Variants in CEP290 observed in about 807,000 individuals in gnomAD.
The protein encoded by CEP290 is centrosomal protein of 290 kDa.
A neutral mutation model predicts 344.9 loss-of-function variants in CEP290; 317 were observed. That is an observed-to-expected ratio of 0.92 (90% confidence interval 0.84 to 1.01). CEP290 has a LOEUF of 1.01. Among genes scored for constraint, CEP290 ranks in the 50% least tolerant of loss-of-function variants. The probability of loss-of-function intolerance (pLI) is 0.00; values close to 1 mark genes in which losing one functional copy is unlikely to be tolerated. For missense variants in CEP290, 2,754 were observed against 2,761.4 expected (o/e 1.00, Z 0.06); for synonymous variants, 932 against 895.8 (o/e 1.04, Z -0.72).
rs902444632 is a variant in CEP290 at position 88,129,752 on chromosome 12, T to G, written c.794A>C (p.His265Pro). 1 of 1,489,380 alleles carries G rather than the reference T, an allele frequency of 6.7e-7. No homozygotes were observed. The highest frequency in any genetic ancestry group is 1.4e-5 in the African/African-American group (1 of 69,796). The allele number at this position is 1,489,380 out of a possible 1,614,324, so 92.3% of individuals were successfully genotyped here. A position where few individuals can be genotyped will look rare whatever the true frequency, so the allele number is the denominator to read the frequency against. The stretch of plus-strand genomic sequence containing the variant: ...CTGATCTATTACATTATCTGTCTGA[T>G]GCACAATAGCTTTCATTCTATTATA... ...DEYNRMKAIVHQTDNVIDQLK... is the reference protein window; with the variant it reads ...DEYNRMKAIVPQTDNVIDQLK... Residue 265 changes from histidine (H) to proline (P), a missense_variant, in exon 10 of 54, where the codon CAT becomes CCT. Coordinates refer to ENST00000552810, the MANE Select transcript of CEP290 (RefSeq NM_025114.4).
intron 6 of CEP290, among the ~76,000 whole-genome samples, chr12:88,134,918 T>A (rs1029337205): frequency 3.3e-5 from 5 of 152,138 alleles, no homozygotes; most frequent in African/African-American, 1.2e-4. Context: ...ACCATATATA[T>A]CCTCATTCCT....
rs1481682848 is a variant in CEP290 at position 88,084,744 on chromosome 12, C to T, written c.4546G>A (p.Glu1516Lys). The T allele has an allele frequency of 5.6e-6, 9 of 1,613,562 alleles. No homozygotes were observed. Among genetic ancestry groups the T allele is most frequent in the Non-Finnish European group, 7.6e-6 (9 of 1,179,744 alleles). ...RLRLPATAER[E>K]KLIAELGRKE... ...CTGCCTAGCTCAGCTATGAGCTTTT[C>T]TCTTTCTGCAGTGGCAGGCAATCGA... The change falls in exon 35 of 54, where the codon GAA becomes AAA. Residue 1516 changes from glutamate (E) to lysine (K), a missense_variant. Coordinates refer to ENST00000552810, the MANE Select transcript of CEP290 (RefSeq NM_025114.4).
At chr12:88,085,965 A>C in intron 34 of CEP290, 74 bp downstream of exon 34, 2 of 1,375,636 alleles carry the variant, frequency 1.5e-6, no homozygotes, top group Non-Finnish European at 2.0e-6. Context: ...TGCCCTCATA[A>C]AGAAATATTA....
chr12:88,051,279 A>G (rs1480199897), intron 52 of CEP290, among the ~76,000 whole-genome samples: 1 of 149,238 alleles, frequency 6.7e-6, no homozygotes, highest in East Asian at 2.0e-4. Context: ...CACTGCAACA[A>G]CCACTGCCTC....
chr12:88,118,375 G>A (rs1479994199), intron 17 of CEP290, 108 bp downstream of exon 17: 9 of 813,592 alleles, frequency 1.1e-5, no homozygotes, highest in African/African-American at 1.7e-5. Flanking sequence ...TAAATTTGTA[G>A]CAGATCCACA....
At chr12:88,135,267 T>C (rs1251800555) in intron 6 of CEP290, among the ~76,000 whole-genome samples, 1 of 152,142 alleles carries the variant, frequency 6.6e-6, no homozygotes, top group African/African-American at 2.4e-5. Flanking sequence ...ACACAGGCCA[T>C]ATATTCAAGT....
At chr12:88,118,110 G>A (rs2039166757) in intron 17 of CEP290, among the ~76,000 whole-genome samples, 1 of 151,536 alleles carries the variant, frequency 6.6e-6, no homozygotes, top group Non-Finnish European at 1.5e-5. Context: ...TTAAGGAAAG[G>A]GAAAATGTTG....
chr12:88,077,948 A>G (rs2035905821), intron 39 of CEP290, 30 bp from the exon 40 acceptor site: 1 of 944,728 alleles, frequency 1.1e-6, no homozygotes, highest in Non-Finnish European at 1.6e-6. Context: ...GGTATTATTC[A>G]TGACTCTTCA....
At chr12:88,139,665 A>C (rs1430602121) in intron 3 of CEP290, 101 bp from the exon 4 acceptor site, 35 of 814,844 alleles carry the variant, frequency 4.3e-5, no homozygotes, top group Non-Finnish European at 5.9e-5. Context: ...TAGTGCCAGC[A>C]ATGGCTGGCA....
At position 88,058,835 on chromosome 12, in the gene CEP290, ACT is replaced by A. The variant is rs761362623; in HGVS notation, c.6818+11_6818+12del. ...TGATTAAACTTTGTACAAGTTTAAAACTCTGTTCCTACCTTGTAACCACAATG... is the reference window on the plus strand; with the variant it reads ...TGATTAAACTTTGTACAAGTTTAAAACTGTTCCTACCTTGTAACCACAATG... On this transcript the variant is annotated intron_variant, in intron 49 of 53. Coordinates refer to ENST00000552810, the MANE Select transcript of CEP290 (RefSeq NM_025114.4). The A allele has an allele frequency of 6.2e-7, 1 of 1,612,130 alleles. No homozygotes were observed. Among genetic ancestry groups the A allele is most frequent in the South Asian group, 1.1e-5 (1 of 90,570 alleles).
At chr12:88,091,396 A>T (rs2037027776) in intron 29 of CEP290, among the ~76,000 whole-genome samples, 1 of 53,386 alleles carries the variant, frequency 1.9e-5, no homozygotes, top group Admixed American at 2.8e-4. Flanking sequence ...GCATTTAATA[A>T]AATTACAAAA....
Position 88,083,199 on chromosome 12 carries a change from G to C in CEP290, c.4844C>G (p.Pro1615Arg). The C allele has an allele frequency of 1.3e-6, 2 of 1,510,988 alleles. No individual in the cohort carries two copies. The highest frequency in any genetic ancestry group is 1.8e-6 in the Non-Finnish European group (2 of 1,133,974). The allele number at this position is 1,510,988 out of a possible 1,614,324, so 93.6% of individuals were successfully genotyped here. The change falls in exon 37 of 54, where the codon CCT (proline) becomes CGT (arginine). Residue 1615 changes from proline to arginine, a missense_variant. Physicochemically the swap from Pro to Arg is moderately radical, Grantham distance 103 (BLOSUM62 -2). Coordinates refer to ENST00000552810, the MANE Select transcript of CEP290 (RefSeq NM_025114.4). ...CAGACGAATAAAATGCTTGTTGGTA[G>C]GAACTGGAGTGGGAGACTGTTTCAT... ...DLMKQSPTPV[P>R]TNKHFIRLAE...
At chr12:88,065,566 T>C (rs746868577) in intron 44 of CEP290, among the ~76,000 whole-genome samples, 36 of 152,210 alleles carry the variant, frequency 2.4e-4, no homozygotes, top group Non-Finnish European at 4.4e-4. Context: ...ATTTCAGATA[T>C]GGACATCTGT....
At chr12:88,110,560 CA>C (rs1565882991) in intron 22 of CEP290, among the ~76,000 whole-genome samples, 1 of 151,782 alleles carries the variant, frequency 6.6e-6, no homozygotes, top group African/African-American at 2.4e-5. Flanking sequence ...AAAAAAAATA[CA>C]AAAATTAGCC....
chr12:88,096,180 A>G (rs368712805), intron 27 of CEP290, among the ~76,000 whole-genome samples: 3 of 151,780 alleles, frequency 2.0e-5, no homozygotes, highest in South Asian at 2.1e-4. Context: ...TCCTGAGTAG[A>G]TGGAATTACA....
Position 88,077,801 on chromosome 12 carries a change from T to C in CEP290, c.5482A>G (p.Lys1828Glu). ...NLNDLNNELQ[K>E]KQKAYNKILR... ...ATTTTATTATAGGCTTTTTGTTTCT[T>C]TTGCAGTTCATTATTTAAGTCATTC... Residue 1828 changes from lysine (K) to glutamate (E), a missense_variant, in exon 40 of 54, where the codon AAG becomes GAG. Lys to Glu is a moderately conservative substitution (Grantham distance 56, BLOSUM62 1). Transcript: ENST00000552810. The C allele has an allele frequency of 6.4e-7, 1 of 1,559,166 alleles. No homozygotes were observed. The highest frequency in any genetic ancestry group is 8.8e-7 in the Non-Finnish European group (1 of 1,141,644).
intron 52 of CEP290, among the ~76,000 whole-genome samples, chr12:88,052,499 C>G (rs2033635915): frequency 6.6e-6 from 1 of 152,128 alleles, no homozygotes; most frequent in Non-Finnish European, 1.5e-5. Flanking sequence ...TTTTATGTTA[C>G]TTGCCAAGAA....
At chr12:88,134,006 G>A (rs552037344) in intron 6 of CEP290, among the ~76,000 whole-genome samples, 18 of 152,072 alleles carry the variant, frequency 1.2e-4, no homozygotes, top group African/African-American at 3.9e-4. Flanking sequence ...TCTCAGAGAC[G>A]TGCCTTACAA....
Position 88,118,391 on chromosome 12 carries a change from AC to A in CEP290, c.1711+91del, listed in dbSNP as rs1173728150. 25 of 1,005,062 alleles carry A rather than the reference AC, an allele frequency of 2.5e-5. No individual in the cohort carries two copies. The African/African-American group carries it at 3.6e-4, about 14-fold the overall frequency. The allele number at this position is 1,005,062 out of a possible 1,614,324, so 62.3% of individuals were successfully genotyped here. On this transcript the variant is annotated intron_variant, in intron 17 of 53. Coordinates refer to ENST00000552810, the MANE Select transcript of CEP290 (RefSeq NM_025114.4). ...AAATTTGTAGCAGATCCACAATAGA[AC>A]AGCAAAAACAGCTAAGACACAAATA...
Sources: allele counts gnomAD v4.1 joint callset (sites outside exome capture counted in the v4.1 genomes callset), GRCh38; gene constraint gnomAD v4.1.1; transcripts MANE v1.5; gene names NCBI Gene and HGNC (gene_info 2026-07-23, HGNC 2026-07-21).